Variants in MCPH1 observed in about 807,000 individuals in gnomAD.
MCPH1 encodes microcephalin.
In MCPH1, 104 loss-of-function variants were observed where a neutral mutation model predicts 84.5. The ratio of observed to expected loss-of-function variants is 1.23; its 90% confidence interval spans 1.05 to 1.45. MCPH1 has a LOEUF of 1.45. Ranked by LOEUF, MCPH1 falls within the 40% of genes most tolerant of loss-of-function variation. MCPH1 has a pLI of 0.00. For missense variants in MCPH1, 1,498 were observed against 1,005.7 expected, an observed-to-expected ratio of 1.49 and a Z score of -6.62; for synonymous variants, 514 against 366.8, an observed-to-expected ratio of 1.40 and a Z score of -4.58.
intron 11 of MCPH1, among the ~76,000 whole-genome samples, chr8:6,491,271 C>T (rs1049253121): frequency 6.6e-6 from 1 of 151,076 alleles, no homozygotes; most frequent in African/African-American, 2.4e-5. Context: ...GAGTGCTTTG[C>T]AATGTTTGGT....
chr8:6,498,702 C>G (rs1394337940), intron 11 of MCPH1, among the ~76,000 whole-genome samples: 2 of 152,160 alleles, frequency 1.3e-5, no homozygotes, highest in Non-Finnish European at 2.9e-5. Context: ...TACGTTGCCT[C>G]TTGTCTGAAA....
At chr8:6,629,941 C>T (rs1797031137) in intron 13 of MCPH1, among the ~76,000 whole-genome samples, 1 of 152,218 alleles carries the variant, frequency 6.6e-6, no homozygotes, top group South Asian at 2.1e-4. Flanking sequence ...TACACAGCCA[C>T]TGACTGTTGT....
At chr8:6,529,980 C>T (rs1819150620) in intron 12 of MCPH1, among the ~76,000 whole-genome samples, 1 of 151,708 alleles carries the variant, frequency 6.6e-6, no homozygotes, top group South Asian at 2.1e-4. Flanking sequence ...GCTGCTCTGT[C>T]CTAACACTTT....
In MCPH1 at chr8:6,424,399, G is replaced by A. The variant is rs564670125; in HGVS notation, c.234-7100G>A. 3.9e-5 allele frequency among the ~76,000 whole-genome samples: 6 copies of A among 152,282 alleles called. No homozygotes were observed. In the South Asian group the frequency reaches 1.2e-3, roughly 32 times the overall value. On this transcript the variant is annotated intron_variant, in intron 3 of 13. Coordinates refer to ENST00000344683, the MANE Select transcript of MCPH1 (RefSeq NM_024596.5). ...CTGCATTTAGTGTTTGCTGGAAACA[G>A]GGACATATTCCTGCATAACCACAAC...
chr8:6,472,529 G>A (rs780141748), intron 9 of MCPH1, among the ~76,000 whole-genome samples: 10 of 151,994 alleles, frequency 6.6e-5, no homozygotes, highest in East Asian at 5.8e-4. Context: ...GCATTGGCCC[G>A]ATCTTAGCTC....
chr8:6,625,229 A>G (rs1215857247), intron 13 of MCPH1: 19 of 985,462 alleles, frequency 1.9e-5, no homozygotes, highest in Non-Finnish European at 2.3e-5. Flanking sequence ...ACAGAGTCAT[A>G]GCCTCCACCT....
intron 12 of MCPH1, among the ~76,000 whole-genome samples, chr8:6,514,079 A>T (rs973102853): frequency 6.6e-6 from 1 of 152,190 alleles, no homozygotes; most frequent in South Asian, 2.1e-4. Flanking sequence ...CTACTTGGGG[A>T]GCCACCAGCA....
intron 3 of MCPH1, among the ~76,000 whole-genome samples, chr8:6,426,838 C>T (rs139855880): frequency 6.6e-6 from 1 of 151,670 alleles, no homozygotes; most frequent in African/African-American, 2.4e-5. Flanking sequence ...TTTTTTTTCC[C>T]AACATTGTTT....
chr8:6,545,633 T>A (rs1283347494), intron 12 of MCPH1, among the ~76,000 whole-genome samples: 1 of 152,222 alleles, frequency 6.6e-6, no homozygotes, highest in African/African-American at 2.4e-5. Flanking sequence ...GGATCAAGCA[T>A]AAAAGGCATT....
At chr8:6,472,456 AC>A (rs1383555820) in intron 9 of MCPH1, among the ~76,000 whole-genome samples, 1 of 151,968 alleles carries the variant, frequency 6.6e-6, no homozygotes, top group Non-Finnish European at 1.5e-5. Flanking sequence ...GGAATCTTAG[AC>A]AGTTTTTTGT....
chr8:6,454,203 C>G (rs570416184), intron 8 of MCPH1, among the ~76,000 whole-genome samples: 1 of 152,260 alleles, frequency 6.6e-6, no homozygotes, highest in South Asian at 2.1e-4. Flanking sequence ...TCTACATTGT[C>G]TATTGGGTTG....
chr8:6,510,093 C>T (rs1814704063), intron 12 of MCPH1, among the ~76,000 whole-genome samples: 1 of 152,016 alleles, frequency 6.6e-6, no homozygotes, highest in Admixed American at 6.6e-5. Context: ...TTACATCGGT[C>T]ATCTGTGTAC....
At chr8:6,474,169 C>A in intron 9 of MCPH1, 1 of 741,752 alleles carries the variant, frequency 1.3e-6, no homozygotes, top group Non-Finnish European at 2.5e-6. Context: ...GGTTATCTAA[C>A]TCATCAGCTA....
At chr8:6,639,940 TG>T in intron 13 of MCPH1, among the ~76,000 whole-genome samples, 1 of 152,268 alleles carries the variant, frequency 6.6e-6, no homozygotes, top group South Asian at 2.1e-4. Context: ...GATGTCACTA[TG>T]TTGCCCAGGC....
chr8:6,466,768 G>T (rs1278819300), intron 9 of MCPH1, among the ~76,000 whole-genome samples: 2 of 151,630 alleles, frequency 1.3e-5, no homozygotes, highest in East Asian at 1.9e-4. Flanking sequence ...TACAGACGGG[G>T]TTTCACCATG....
intron 2 of MCPH1, among the ~76,000 whole-genome samples, chr8:6,410,010 G>A (rs1301737450): frequency 6.6e-6 from 1 of 151,440 alleles, no homozygotes; most frequent in Non-Finnish European, 1.5e-5. Flanking sequence ...TCGCTCTGTC[G>A]CTAGGCTGGA....
intron 12 of MCPH1, among the ~76,000 whole-genome samples, chr8:6,531,273 GTTTCTTTC>G (rs558112004): frequency 6.7e-6 from 1 of 150,004 alleles, no homozygotes; most frequent in Non-Finnish European, 1.5e-5. Flanking sequence ...TATTTTACTA[GTTTCTTTC>G]TTTCTTTCTT....
intron 12 of MCPH1, among the ~76,000 whole-genome samples, chr8:6,593,404 C>A (rs1828672842): frequency 6.6e-6 from 1 of 151,200 alleles, no homozygotes; most frequent in South Asian, 2.1e-4. Flanking sequence ...ATTAAGGCTG[C>A]AGTGCAATGG....
At chr8:6,534,298 A>G (rs1198328134) in intron 12 of MCPH1, among the ~76,000 whole-genome samples, 1 of 152,210 alleles carries the variant, frequency 6.6e-6, no homozygotes, top group Non-Finnish European at 1.5e-5. Context: ...TGTGTTAGGT[A>G]TTCTAAGCAA....
Sources: gnomAD v4.1 joint callset for allele counts (sites outside exome capture counted in the v4.1 genomes callset) on GRCh38, gnomAD v4.1.1 for gene constraint, MANE v1.5 for transcripts, NCBI Gene and HGNC (gene_info 2026-07-23, HGNC 2026-07-21) for gene names.